SLC24A3: variants seen among roughly 807,000 people sequenced by gnomAD.
SLC24A3 encodes the protein solute carrier family 24 member 3.
A neutral mutation model predicts 75.8 loss-of-function variants in SLC24A3; 28 were observed. The observed-to-expected ratio is 0.37, with a 90% CI of 0.27 to 0.51. The LOEUF (loss-of-function observed/expected upper bound fraction) is 0.51, where lower values mean the gene tolerates loss of function less well. Ranked by LOEUF, SLC24A3 falls within the 20% of genes least tolerant of loss-of-function variation. The pLI is 0.94. For synonymous variants in SLC24A3, 372 were observed against 334.1 expected, an observed-to-expected ratio of 1.11 and a Z score of -1.24; for missense variants, 663 against 847.8, an observed-to-expected ratio of 0.78 and a Z score of 2.71.
intron 15 of SLC24A3, among the ~76,000 whole-genome samples, chr20:19,709,841 T>C (rs967023945): frequency 6.6e-6 from 1 of 152,184 alleles, no homozygotes; most frequent in African/African-American, 2.4e-5. Context: ...AGTTGTCTCA[T>C]CTTTCAAATG....
At chr20:19,569,676 G>C (rs867421586) in intron 3 of SLC24A3, among the ~76,000 whole-genome samples, 5 of 151,846 alleles carry the variant, frequency 3.3e-5, no homozygotes, top group Middle Eastern at 3.2e-3. Flanking sequence ...CTTCTTTTTT[G>C]CTCCCTCCTG....
intron 12 of SLC24A3, 115 bp from the exon 13 acceptor site, chr20:19,693,144 A>G: frequency 4.5e-6 from 5 of 1,109,866 alleles, no homozygotes; most frequent in Non-Finnish European, 6.2e-6. Flanking sequence ...GCAATATAAT[A>G]AGGTTTAATT....
At chr20:19,278,056 A>G (rs1024768150) in intron 1 of SLC24A3, among the ~76,000 whole-genome samples, 1 of 152,200 alleles carries the variant, frequency 6.6e-6, no homozygotes, top group Non-Finnish European at 1.5e-5. Flanking sequence ...GACCTCTTCA[A>G]TGCCAGCTGG....
At chr20:19,636,708 G>C (rs1483383159) in intron 6 of SLC24A3, among the ~76,000 whole-genome samples, 2 of 152,124 alleles carry the variant, frequency 1.3e-5, no homozygotes, top group Non-Finnish European at 2.9e-5. Flanking sequence ...CACCTGCAAA[G>C]AACACTCACA....
chr20:19,600,321 A>C (rs1053782522), intron 6 of SLC24A3, among the ~76,000 whole-genome samples: 1 of 152,186 alleles, frequency 6.6e-6, no homozygotes, highest in Non-Finnish European at 1.5e-5. Context: ...CATCATATTC[A>C]TATGAAGGCT....
At chr20:19,633,759 A>C (rs577802690) in intron 6 of SLC24A3, among the ~76,000 whole-genome samples, 1 of 152,006 alleles carries the variant, frequency 6.6e-6, no homozygotes, top group East Asian at 1.9e-4. Context: ...AAATACAGTC[A>C]CATTCTGAGG....
intron 1 of SLC24A3, among the ~76,000 whole-genome samples, chr20:19,270,652 C>T (rs931606437): frequency 6.6e-6 from 1 of 152,170 alleles, no homozygotes; most frequent in Non-Finnish European, 1.5e-5. Flanking sequence ...GTCTTATTAC[C>T]TAATTACCTC....
At chr20:19,678,423 C>T (rs1401029878) in intron 9 of SLC24A3, among the ~76,000 whole-genome samples, 1 of 135,636 alleles carries the variant, frequency 7.4e-6, no homozygotes, top group African/African-American at 2.9e-5. Flanking sequence ...CAGGCAGAGG[C>T]GCCCCTCACC....
intron 1 of SLC24A3, among the ~76,000 whole-genome samples, chr20:19,273,147 A>C (rs1264162321): frequency 6.6e-6 from 1 of 152,184 alleles, no homozygotes; most frequent in African/African-American, 2.4e-5. Flanking sequence ...CTTGTTCCCA[A>C]GGCCACCCTT....
intron 3 of SLC24A3, among the ~76,000 whole-genome samples, chr20:19,538,115 C>T (rs368836154): frequency 6.6e-5 from 10 of 152,112 alleles, no homozygotes; most frequent in African/African-American, 1.9e-4. Flanking sequence ...TGTTAAGCCA[C>T]GGTGTGGTTT....
chr20:19,668,804 A>T (rs770551752), intron 8 of SLC24A3, among the ~76,000 whole-genome samples: 1 of 152,170 alleles, frequency 6.6e-6, no homozygotes, highest in Admixed American at 6.5e-5. Flanking sequence ...TTTTCTTACT[A>T]TCAGTGCCCC....
At chr20:19,220,742 G>A (rs879549788) in intron 1 of SLC24A3, among the ~76,000 whole-genome samples, 2 of 152,088 alleles carry the variant, frequency 1.3e-5, no homozygotes, top group Non-Finnish European at 2.9e-5. Context: ...AATCACTTTG[G>A]GAACTTTAAT....
In SLC24A3 at chr20:19,698,585, G is replaced by A. The variant is rs2032837977; in HGVS notation, c.1624G>A (p.Val542Met). ...VARQGMGDMA[V>M]SNSIGSNVFD... ...CCCTGCAGGGATGGGGGACATGGCT[G>A]TGTCCAACTCCATTGGGAGCAACGT... The change falls in exon 15 of 17, where the codon GTG (valine) becomes ATG (methionine). Residue 542 changes from valine to methionine, a missense_variant. Transcript: ENST00000328041. 5 of 1,586,262 alleles carry A rather than the reference G, an allele frequency of 3.2e-6. No homozygotes were observed. The highest frequency in any genetic ancestry group is 4.3e-6 in the Non-Finnish European group (5 of 1,164,118).
At chr20:19,424,745 CAAAA>C (rs528342351) in intron 2 of SLC24A3, among the ~76,000 whole-genome samples, 2 of 49,160 alleles carry the variant, frequency 4.1e-5, no homozygotes, top group African/African-American at 7.7e-5. Flanking sequence ...AAAACAACAA[CAAAA>C]AAAAAAAAAA....
intron 3 of SLC24A3, among the ~76,000 whole-genome samples, chr20:19,564,375 C>T (rs2030923267): frequency 6.6e-6 from 1 of 152,186 alleles, no homozygotes; most frequent in Non-Finnish European, 1.5e-5. Context: ...ATGCCACCAT[C>T]ATCACTATCA....
chr20:19,498,618 T>C (rs1298033637), intron 2 of SLC24A3, among the ~76,000 whole-genome samples: 1 of 152,176 alleles, frequency 6.6e-6, no homozygotes, highest in Non-Finnish European at 1.5e-5. Context: ...TATTAATAGA[T>C]ATCAATTGTT....
intron 6 of SLC24A3, among the ~76,000 whole-genome samples, chr20:19,636,192 C>G (rs2032001048): frequency 6.6e-6 from 1 of 152,212 alleles, no homozygotes; most frequent in Middle Eastern, 3.4e-3. Context: ...TTTATGGTCT[C>G]ACCTCAAGAG....
intron 3 of SLC24A3, among the ~76,000 whole-genome samples, chr20:19,522,709 C>T (rs937818996): frequency 8.5e-5 from 13 of 152,086 alleles, no homozygotes; most frequent in Non-Finnish European, 1.2e-4. Context: ...AGCAACAGAA[C>T]GGGGTGGCGC....
Position 19,720,566 on chromosome 20 carries a change from C to T in SLC24A3, c.1786-425C>T, listed in dbSNP as rs147325497. On this transcript the variant is annotated intron_variant, in intron 16 of 16. Coordinates refer to ENST00000328041, the MANE Select transcript of SLC24A3 (RefSeq NM_020689.4). ...GAGGGAGGAACTTCTCACCTCCAGA[C>T]GCAGCCGTAGGAAGAGATGCAGCCG... Among the ~76,000 whole-genome samples, 153 of 152,040 alleles carry T rather than the reference C, an allele frequency of 1.0e-3. 1 individual carries two copies. The East Asian group carries it at 0.027, about 26-fold the overall frequency.
Sources: gnomAD v4.1 joint callset for allele counts (sites outside exome capture counted in the v4.1 genomes callset) on GRCh38, gnomAD v4.1.1 for gene constraint, MANE v1.5 for transcripts, NCBI Gene and HGNC (gene_info 2026-07-23, HGNC 2026-07-21) for gene names.